Variants in CHD8 observed in about 807,000 individuals in gnomAD.
CHD8 encodes chromodomain helicase DNA binding protein 8, also known as ATP-dependent chromatin remodeler CHD8.
Under a neutral mutation model 279.2 loss-of-function variants are expected in CHD8, and 31 were observed. The observed-to-expected ratio is 0.11, with a 90% CI of 0.08 to 0.15. The LOEUF is 0.15. CHD8 is among the 10% of genes least tolerant of loss of function. The pLI is 1.00. For missense variants in CHD8, 2,146 were observed against 3,230.5 expected, an observed-to-expected ratio of 0.66 and a Z score of 8.14; for synonymous variants, 1,081 against 1,139.6, an observed-to-expected ratio of 0.95 and a Z score of 1.04.
At chr14:21,418,513 G>A (rs1257839216) in intron 5 of CHD8, among the ~76,000 whole-genome samples, 1 of 145,276 alleles carries the variant, frequency 6.9e-6, no homozygotes, top group Non-Finnish European at 1.5e-5. Context: ...GTGAGACCCT[G>A]TCTCAAAAAA....
At chr14:21,440,269 C>T (rs1005029672) in intron 1 of CHD8, among the ~76,000 whole-genome samples, 15 of 151,956 alleles carry the variant, frequency 9.9e-5, no homozygotes, top group South Asian at 4.2e-4. Context: ...TGCAGTAGTG[C>T]GATCTCGGCT....
chr14:21,421,435 C>T (rs539079786), intron 5 of CHD8, among the ~76,000 whole-genome samples: 1 of 151,928 alleles, frequency 6.6e-6, no homozygotes, highest in South Asian at 2.1e-4. Flanking sequence ...TTTTACTTAA[C>T]TATTTCTCCA....
At chr14:21,445,203 T>G (rs1890082261) in intron 1 of CHD8, among the ~76,000 whole-genome samples, 1 of 152,248 alleles carries the variant, frequency 6.6e-6, no homozygotes, top group South Asian at 2.1e-4. Context: ...TTCCCTAGAC[T>G]ACTGCAATTA....
At chr14:21,441,670 CG>C (rs1291506803) in intron 1 of CHD8, among the ~76,000 whole-genome samples, 2 of 151,880 alleles carry the variant, frequency 1.3e-5, no homozygotes, top group Admixed American at 1.3e-4. Flanking sequence ...GGGCATATCA[CG>C]AGGTCAGGAG....
At position 21,385,829 on chromosome 14, in the gene CHD8, G is replaced by T. The variant is rs1453720301; in HGVS notation, c.7530C>A (p.Gly2510=). ...AAGAGGGGTAGCCAGGGGCTCTCAA[G>T]CCTGGATGGTGATGGTGGTGATGGT... The part of the protein sequence containing the change: ...HPHHHHHHHP[G]LRAPGYPSSP... The change falls in exon 38 of 38, where the codon GGC becomes GGA. Residue 2510 remains glycine, a synonymous_variant. Transcript: ENST00000646647. 2 of 1,548,912 alleles carry T rather than the reference G, an allele frequency of 1.3e-6. No individual in the cohort carries two copies. Among genetic ancestry groups the T allele is most frequent in the Middle Eastern group, 1.7e-4 (1 of 5,770 alleles).
At position 21,405,617 on chromosome 14, in the gene CHD8, G is replaced by A; in HGVS notation, c.3051+104C>T. On this transcript the variant is annotated intron_variant, in intron 15 of 37. Transcript: ENST00000646647. This position sits in a 1 kb window ranked among gnomAD's most constrained non-coding sequence, Gnocchi z 4.2. Reference sequence around the variant, plus strand: ...AATGATGTAGGCACAAGGTTATAAGGAGTTCAGAAAGGCCCTTGAGATACC... The same window carrying A: ...AATGATGTAGGCACAAGGTTATAAGAAGTTCAGAAAGGCCCTTGAGATACC... 6.8e-7 allele frequency: 1 copy of A among 1,471,510 alleles called. No homozygotes were observed. The highest frequency in any genetic ancestry group is 2.3e-5 in the East Asian group (1 of 44,216). 91.2% of individuals were successfully genotyped at this position (1,471,510 alleles called of 1,614,324 possible). A position where few individuals can be genotyped will look rare whatever the true frequency, so the allele number is the denominator to read the frequency against.
chr14:21,402,644 G>C lies in CHD8; in HGVS notation c.3715-141C>G. ...ACTCAAAACCAAGAGTCAATTTCAA[G>C]ATGAAATTATCACCCCATCATGTAG... On this transcript the variant is annotated intron_variant, in intron 18 of 37. Coordinates refer to ENST00000646647, the MANE Select transcript of CHD8 (RefSeq NM_001170629.2). This position sits in a 1 kb window ranked among gnomAD's most constrained non-coding sequence, Gnocchi z 4.5. 1.2e-6 allele frequency: 1 copy of C among 826,296 alleles called. No individual in the cohort carries two copies. Among genetic ancestry groups the C allele is most frequent in the Non-Finnish European group, 1.8e-6 (1 of 545,826 alleles). The allele number at this position is 826,296 out of a possible 1,614,324, so 51.2% of individuals were successfully genotyped here. A position where few individuals can be genotyped will look rare whatever the true frequency, so the allele number is the denominator to read the frequency against.
At chr14:21,410,874 T>C (rs1300313919) in intron 10 of CHD8, among the ~76,000 whole-genome samples, 1 of 152,212 alleles carries the variant, frequency 6.6e-6, no homozygotes, top group African/African-American at 2.4e-5. Flanking sequence ...TTTTTCTTTA[T>C]CATAGTAACT....
rs751607402 is a variant in CHD8, at chr14:21,405,883, A to C, written c.2908-19T>G. The C allele has an allele frequency of 1.9e-6, 3 of 1,596,148 alleles. No homozygotes were observed. Among genetic ancestry groups the C allele is most frequent in the Non-Finnish European group, 2.6e-6 (3 of 1,172,636 alleles). On this transcript the variant is annotated intron_variant, in intron 14 of 37. Transcript: ENST00000646647. The surrounding 1 kb of genome is among the most constrained non-coding windows in gnomAD (Gnocchi z 4.2). ...TGTGTTCCTAGAAATGGAGGAAACA[A>C]AAGAATAAAATTTAAAAACATGAAG...
chr14:21,405,490 T>C lies in CHD8; in HGVS notation c.3052-26A>G. ...CTGTGGTCCATTACAGAGAGAAAAA[T>C]AAATCAATAAGATGAGGGCGAACAT... On this transcript the variant is annotated intron_variant, in intron 15 of 37. Transcript: ENST00000646647. This position sits in a 1 kb window ranked among gnomAD's most constrained non-coding sequence, Gnocchi z 4.2. The C allele has an allele frequency of 6.3e-7, 1 of 1,592,072 alleles. No homozygotes were observed. The highest frequency in any genetic ancestry group is 8.6e-7 in the Non-Finnish European group (1 of 1,169,144).
intron 3 of CHD8, 93 bp from the exon 4 acceptor site, chr14:21,428,347 TC>T (rs1227532319): frequency 1.6e-5 from 18 of 1,103,690 alleles, no homozygotes; most frequent in Non-Finnish European, 2.2e-5. Context: ...AGAAACTAGT[TC>T]TTTAATCCCT....
chr14:21,394,718 A>G (rs999293957), intron 30 of CHD8, 194 bp downstream of exon 30: 1 of 654,742 alleles, frequency 1.5e-6, no homozygotes, highest in Non-Finnish European at 2.6e-6. Flanking sequence ...GAAAATGTCT[A>G]CACAGGAGAC....
chr14:21,447,396 G>C (rs751062009), intron 1 of CHD8, among the ~76,000 whole-genome samples: 3 of 148,634 alleles, frequency 2.0e-5, no homozygotes, highest in Non-Finnish European at 4.5e-5. Context: ...TTTTGAGACA[G>C]GGTCTCCCCA....
intron 1 of CHD8, among the ~76,000 whole-genome samples, chr14:21,438,839 C>CA (rs200654906): frequency 0.026 from 3,722 of 144,044 alleles, 52 homozygotes; most frequent in African/African-American, 0.034. Flanking sequence ...AAAAAAAAGC[C>CA]AAAAAAAGCC....
intron 1 of CHD8, among the ~76,000 whole-genome samples, chr14:21,447,532 T>C (rs1211580934): frequency 6.6e-6 from 1 of 151,998 alleles, no homozygotes; most frequent in Non-Finnish European, 1.5e-5. Flanking sequence ...CCACCACGTC[T>C]AGCTAATTTT....
chr14:21,439,141 A>T (rs968442342), intron 1 of CHD8, among the ~76,000 whole-genome samples: 9 of 152,146 alleles, frequency 5.9e-5, no homozygotes, highest in African/African-American at 1.9e-4. Flanking sequence ...AAGAAAAAAA[A>T]AGGGCGGCTT....
At chr14:21,414,800 C>G in intron 8 of CHD8, 138 bp downstream of exon 8, 1 of 684,792 alleles carries the variant, frequency 1.5e-6, no homozygotes, top group Non-Finnish European at 2.6e-6. Flanking sequence ...CTCTGAATAG[C>G]CATTTTTCCC....
chr14:21,435,675 AG>A (rs1278763108), intron 1 of CHD8, among the ~76,000 whole-genome samples: 6 of 152,222 alleles, frequency 3.9e-5, no homozygotes, highest in African/African-American at 1.4e-4. Flanking sequence ...CTGGGAACCG[AG>A]GGTGGAGATA....
At position 21,431,864 on chromosome 14, in the gene CHD8, G is replaced by A. The variant is rs746900227; in HGVS notation, c.-215-6C>T. ...AGAGGAAGATGGTGGAACTCCTGTT[G>A]TAGGAATACAAATACAAATGAAAAA... On this transcript the variant is annotated splice_polypyrimidine_tract_variant and splice_region_variant and intron_variant, in intron 1 of 37. Transcript: ENST00000646647. The A allele has an allele frequency of 3.1e-6, 5 of 1,597,724 alleles. No individual in the cohort carries two copies. Among genetic ancestry groups the A allele is most frequent in the South Asian group, 2.2e-5 (2 of 90,778 alleles).
Sources: gnomAD v4.1 joint callset for allele counts (sites outside exome capture counted in the v4.1 genomes callset) on GRCh38, gnomAD v4.1.1 for gene constraint, Gnocchi (gnomAD v3.1) non-coding constraint, MANE v1.5 for transcripts, NCBI Gene and HGNC (gene_info 2026-07-23, HGNC 2026-07-21) for gene names.